ROBO2: variants seen among roughly 807,000 people sequenced by gnomAD.
ROBO2 encodes the protein roundabout homolog 2.
ROBO2 carries 53 observed loss-of-function variants against 160.8 expected under a neutral mutation model. The ratio of observed to expected loss-of-function variants is 0.33; its 90% confidence interval spans 0.26 to 0.41. The LOEUF is 0.41. ROBO2 is among the 10% of genes least tolerant of loss of function. The pLI is 1.00. For missense variants in ROBO2, 1,577 were observed against 1,722.4 expected (o/e 0.92, Z 1.49); for synonymous variants, 664 against 611.7 (o/e 1.09, Z -1.26).
intron 2 of ROBO2, among the ~76,000 whole-genome samples, chr3:77,300,355 C>G (rs368829201): frequency 4.6e-5 from 7 of 151,804 alleles, no homozygotes; most frequent in African/African-American, 1.7e-4. Context: ...TCAATAGTAC[C>G]TTAAGATTCA....
At chr3:77,106,248 G>T (rs918530688) in intron 2 of ROBO2, among the ~76,000 whole-genome samples, 1 of 152,048 alleles carries the variant, frequency 6.6e-6, no homozygotes, top group East Asian at 1.9e-4. Context: ...TTGCCATGTT[G>T]CCCAGGCTGG....
At chr3:76,260,890 AT>A (rs1424935442) in intron 2 of ROBO2, among the ~76,000 whole-genome samples, 2 of 151,888 alleles carry the variant, frequency 1.3e-5, no homozygotes, top group African/African-American at 2.4e-5. Flanking sequence ...AAAGAATCTC[AT>A]ACTATTTTTT....
chr3:77,629,098 G>A (rs2095100931), intron 23 of ROBO2: 1 of 152,260 alleles, frequency 6.6e-6, no homozygotes, highest in Non-Finnish European at 1.5e-5. Context: ...AAGGCTGGGA[G>A]AAAGGCAGAG....
At chr3:76,342,096 C>A (rs1351014646) in intron 2 of ROBO2, among the ~76,000 whole-genome samples, 1 of 152,084 alleles carries the variant, frequency 6.6e-6, no homozygotes, top group South Asian at 2.1e-4. Flanking sequence ...CTAATTAGGT[C>A]AACATGTTGA....
intron 16 of ROBO2, among the ~76,000 whole-genome samples, chr3:77,586,348 A>G (rs2094048562): frequency 6.6e-6 from 1 of 152,186 alleles, no homozygotes; most frequent in Admixed American, 6.5e-5. Flanking sequence ...CGCTTACATT[A>G]CATAGTTGGT....
At chr3:76,326,995 A>G (rs930661860) in intron 2 of ROBO2, among the ~76,000 whole-genome samples, 6 of 151,510 alleles carry the variant, frequency 4.0e-5, no homozygotes, top group Non-Finnish European at 7.4e-5. Flanking sequence ...ATTTTCTTTT[A>G]CTCACCTTTA....
intron 16 of ROBO2, among the ~76,000 whole-genome samples, chr3:77,586,191 C>A (rs2094043693): frequency 6.6e-6 from 1 of 152,094 alleles, no homozygotes; most frequent in East Asian, 1.9e-4. Context: ...TGCATCATTG[C>A]ATTTACAGAC....
At chr3:76,224,969 G>A (rs1005644412) in intron 2 of ROBO2, among the ~76,000 whole-genome samples, 5 of 152,092 alleles carry the variant, frequency 3.3e-5, no homozygotes, top group Non-Finnish European at 7.4e-5. Context: ...AAGAGTGAAA[G>A]GTATGATAAG....
At chr3:77,397,052 CTG>C (rs2075349174) in intron 2 of ROBO2, among the ~76,000 whole-genome samples, 1 of 152,092 alleles carries the variant, frequency 6.6e-6, no homozygotes, top group Non-Finnish European at 1.5e-5. Context: ...TTTCAGGAAA[CTG>C]TGTGAGTATT....
chr3:77,449,244 C>G (rs1454791579), intron 2 of ROBO2, among the ~76,000 whole-genome samples: 1 of 151,948 alleles, frequency 6.6e-6, no homozygotes, highest in Admixed American at 6.6e-5. Flanking sequence ...GAAATAAGCA[C>G]TTTAGTGACT....
chr3:77,622,130 A>G, intron 22 of ROBO2, 97 bp from the exon 24 acceptor site: 3 of 1,050,252 alleles, frequency 2.9e-6, no homozygotes, highest in Non-Finnish European at 2.8e-6. Context: ...AAGGAAGAAG[A>G]CAGTATGAGT....
At chr3:76,635,215 C>T (rs1219742239) in intron 2 of ROBO2, among the ~76,000 whole-genome samples, 2 of 152,222 alleles carry the variant, frequency 1.3e-5, no homozygotes, top group African/African-American at 2.4e-5. Context: ...GCTGCCTAAA[C>T]ACTGATGCTG....
chr3:76,145,896 CTT>C (rs1459228625), intron 2 of ROBO2, among the ~76,000 whole-genome samples: 1 of 151,942 alleles, frequency 6.6e-6, no homozygotes, highest in African/African-American at 2.4e-5. Flanking sequence ...ACACACTAAA[CTT>C]TGCATTTTTG....
intron 2 of ROBO2, among the ~76,000 whole-genome samples, chr3:76,817,917 G>A (rs1221624623): frequency 6.7e-6 from 1 of 149,696 alleles, no homozygotes; most frequent in Non-Finnish European, 1.5e-5. Context: ...GGACATTTCA[G>A]GTGGCTCCGT....
At chr3:75,937,843 A>T (rs1263441850) in intron 2 of ROBO2, among the ~76,000 whole-genome samples, 1 of 33,574 alleles carries the variant, frequency 3.0e-5, no homozygotes, top group Non-Finnish European at 7.3e-5. Context: ...AATTGATTTT[A>T]TATATATATA....
chr3:77,180,423 T>A (rs761811342), intron 2 of ROBO2, among the ~76,000 whole-genome samples: 1 of 125,428 alleles, frequency 8.0e-6, no homozygotes, highest in Non-Finnish European at 1.8e-5. Context: ...TCTCTATATA[T>A]ATATATATGT....
chr3:76,252,996 C>G (rs1386962187), intron 2 of ROBO2, among the ~76,000 whole-genome samples: 2 of 151,868 alleles, frequency 1.3e-5, no homozygotes, highest in Non-Finnish European at 2.9e-5. Context: ...GACAAGGCCC[C>G]CCCACATTAT....
chr3:76,253,301 G>T (rs897375353), intron 2 of ROBO2, among the ~76,000 whole-genome samples: 4 of 151,802 alleles, frequency 2.6e-5, no homozygotes, highest in African/African-American at 9.7e-5. Flanking sequence ...TTGAGACAGG[G>T]TTTTACTCTC....
intron 2 of ROBO2, among the ~76,000 whole-genome samples, chr3:77,287,267 T>C (rs1358523864): frequency 1.3e-5 from 2 of 152,124 alleles, no homozygotes; most frequent in African/African-American, 4.8e-5. Flanking sequence ...AAAAATCTTA[T>C]AGCGTAGAAT....
Sources: gnomAD v4.1 joint callset for allele counts (sites outside exome capture counted in the v4.1 genomes callset) on GRCh38, gnomAD v4.1.1 for gene constraint, MANE v1.5 for transcripts, NCBI Gene and HGNC (gene_info 2026-07-23, HGNC 2026-07-21) for gene names.